The following CCDC171 variants were observed in gnomAD, a reference collection of about 807,000 sequenced individuals.
CCDC171 encodes the protein coiled-coil domain-containing protein 171.
CCDC171 carries 177 observed loss-of-function variants against 168.2 expected under a neutral mutation model. That is an observed-to-expected ratio of 1.05 (90% confidence interval 0.93 to 1.19). The LOEUF (loss-of-function observed/expected upper bound fraction) is 1.19, where lower values mean the gene tolerates loss of function less well. Among genes scored for constraint, CCDC171 ranks in the 50% most tolerant of loss-of-function variants. The pLI, the probability that CCDC171 is intolerant of heterozygous loss-of-function variation, is 0.00. For synonymous variants in CCDC171, 687 were observed against 540.8 expected (o/e 1.27, Z -3.75); for missense variants, 1,991 against 1,539.0 (o/e 1.29, Z -4.91).
At position 15,872,534 on chromosome 9, in the gene CCDC171, T is replaced by C. The variant is rs192382597; in HGVS notation, c.3469-1998T>C. 1.9e-3 allele frequency among the ~76,000 whole-genome samples: 296 copies of C among 152,188 alleles called. 2 individuals carry two copies. Among genetic ancestry groups the C allele is most frequent in the Admixed American group, 6.0e-3 (91 of 15,254 alleles). On this transcript the variant is annotated intron_variant, in intron 23 of 25. Coordinates refer to ENST00000380701, the MANE Select transcript of CCDC171 (RefSeq NM_173550.4). Reference sequence around the variant, plus strand: ...TTTGCCCGTATTAGCAATCTGCTTTTGTACTTTGACATCCAGGATTTCCCT... The same window carrying C: ...TTTGCCCGTATTAGCAATCTGCTTTCGTACTTTGACATCCAGGATTTCCCT...
At chr9:15,894,933 C>T (rs1820707428) in intron 24 of CCDC171, among the ~76,000 whole-genome samples, 1 of 152,084 alleles carries the variant, frequency 6.6e-6, no homozygotes, top group African/African-American at 2.4e-5. Flanking sequence ...TCTTCAGCAC[C>T]TAGAACATAA....
chr9:16,092,277 T>C, the CCDC171 span, among the ~76,000 whole-genome samples: 1 of 152,196 alleles, frequency 6.6e-6, no homozygotes, highest in Non-Finnish European at 1.5e-5. Context: ...CCAGGTGGCC[T>C]GACTCTCAAA....
chr9:15,997,372 CT>C (rs1832406935), intron 3 of CCDC171, among the ~76,000 whole-genome samples: 1 of 152,216 alleles, frequency 6.6e-6, no homozygotes, highest in South Asian at 2.1e-4. Context: ...AGCTCCTACA[CT>C]TTGTAGATCC....
At chr9:15,800,872 CT>C (rs1214201762) in intron 21 of CCDC171, among the ~76,000 whole-genome samples, 1 of 152,058 alleles carries the variant, frequency 6.6e-6, no homozygotes, top group African/African-American at 2.4e-5. Flanking sequence ...AAGAAACTAT[CT>C]TTTCCCAAGT....
At chr9:15,874,716 G>A (rs754669675) in intron 24 of CCDC171, 53 bp downstream of exon 24, 20 of 1,442,632 alleles carry the variant, frequency 1.4e-5, no homozygotes, top group Admixed American at 2.5e-5. Context: ...AAAATAAATT[G>A]CACTAACTGG....
intron 8 of CCDC171, among the ~76,000 whole-genome samples, chr9:15,662,931 A>C (rs978766765): frequency 3.9e-5 from 6 of 152,140 alleles, no homozygotes; most frequent in African/African-American, 1.4e-4. Context: ...CAGTGAGCTG[A>C]GATTGCACCA....
chr9:16,085,348 G>T, the CCDC171 span, among the ~76,000 whole-genome samples: 1 of 152,216 alleles, frequency 6.6e-6, no homozygotes, highest in South Asian at 2.1e-4. Context: ...AGGGTAGGGG[G>T]AACTCAAGCT....
At position 15,971,811 on chromosome 9, in the gene CCDC171, A is replaced by T. The variant is rs776196996; in HGVS notation, c.3956A>T (p.Asn1319Ile). The T allele has an allele frequency of 2.5e-6, 4 of 1,613,230 alleles. No homozygotes were observed. The highest frequency in any genetic ancestry group is 3.4e-6 in the Non-Finnish European group (4 of 1,179,302). The change falls in exon 26 of 26, where the codon AAC (asparagine) becomes ATC (isoleucine). Residue 1319 changes from asparagine (N) to isoleucine (I), a missense_variant. Asn to Ile is a moderately radical substitution (Grantham distance 149). Coordinates refer to ENST00000380701, the MANE Select transcript of CCDC171 (RefSeq NM_173550.4). ...CCAGTGACTATGTCTGCTAATGCCA[A>T]CAGACCAACTCAGATTGGATTATGA... ...SSPVTMSANANRPTQIGL is the reference protein window; with the variant it reads ...SSPVTMSANAIRPTQIGL
intron 7 of CCDC171, among the ~76,000 whole-genome samples, chr9:15,645,594 A>G (rs1272107456): frequency 6.6e-6 from 1 of 152,238 alleles, no homozygotes; most frequent in East Asian, 1.9e-4. Context: ...GAACTACGTG[A>G]TGCATGCACA....
intron 18 of CCDC171, chr9:15,776,432 A>G (rs773109516): frequency 1.3e-5 from 2 of 152,212 alleles, no homozygotes; most frequent in East Asian, 1.9e-4. Flanking sequence ...CCGTATATTT[A>G]TATTCCTAGA....
intron 1 of CCDC171, among the ~76,000 whole-genome samples, chr9:15,561,162 ATAAAG>A (rs539899028): frequency 6.6e-6 from 1 of 152,182 alleles, no homozygotes; most frequent in Non-Finnish European, 1.5e-5. Context: ...TTCCTCATGT[ATAAAG>A]TATGGATATT....
At chr9:15,611,352 A>G (rs2043676210) in intron 6 of CCDC171, among the ~76,000 whole-genome samples, 1 of 152,196 alleles carries the variant, frequency 6.6e-6, no homozygotes, top group African/African-American at 2.4e-5. Context: ...CCTTTCCGCA[A>G]ATGTCCGGTG....
At chr9:15,787,989 G>C (rs1156507838) in intron 21 of CCDC171, among the ~76,000 whole-genome samples, 1 of 152,142 alleles carries the variant, frequency 6.6e-6, no homozygotes, top group Non-Finnish European at 1.5e-5. Context: ...CTCTGTTATA[G>C]TTTGTGTTTA....
intron 21 of CCDC171, among the ~76,000 whole-genome samples, chr9:15,837,284 G>A (rs1252868107): frequency 6.6e-6 from 1 of 152,092 alleles, no homozygotes; most frequent in Non-Finnish European, 1.5e-5. Flanking sequence ...TGGCGATCTC[G>A]CTCATTTAGA....
chr9:15,828,587 A>G (rs1563823263), intron 21 of CCDC171, among the ~76,000 whole-genome samples: 1 of 152,214 alleles, frequency 6.6e-6, no homozygotes, highest in Non-Finnish European at 1.5e-5. Flanking sequence ...TTGTACTGGA[A>G]GAAACAGATA....
chr9:16,030,826 T>G (rs1194835480), intron 6 of CCDC171, among the ~76,000 whole-genome samples: 1 of 152,210 alleles, frequency 6.6e-6, no homozygotes, highest in African/African-American at 2.4e-5. Flanking sequence ...CTTCCCAAGG[T>G]GCCAACTCCT....
rs868550426 is a variant in CCDC171 at position 15,649,750 on chromosome 9, C to G, written c.823-7377C>G. ...CAATCATTAAAAAGTCAGGAAACAA[C>G]AGGTGCTAGAGAGGATGTGGAGAAA... On this transcript the variant is annotated intron_variant, in intron 7 of 25. Transcript: ENST00000380701. 1.3e-3 allele frequency among the ~76,000 whole-genome samples: 194 copies of G among 152,282 alleles called. 1 individual carries two copies. The highest frequency in any genetic ancestry group is 4.5e-3 in the African/African-American group (188 of 41,558).
chr9:15,695,388 A>T, intron 11 of CCDC171, 51 bp downstream of exon 11: 2 of 1,408,438 alleles, frequency 1.4e-6, no homozygotes, highest in Non-Finnish European at 2.0e-6. Context: ...TTCCAAAGTC[A>T]CTACATTTTG....
rs184292776 is a variant in CCDC171, at chr9:15,921,983, C to T, written c.3753+1561C>T. 239 of 164,980 alleles carry T rather than the reference C, an allele frequency of 1.4e-3. 1 individual carries two copies. The Middle Eastern group carries it at 0.033, about 23-fold the overall frequency. 10.2% of individuals were successfully genotyped at this position (164,980 alleles called of 1,614,324 possible). ...ACTTGGTAAGGTGAGATTGTTTCTC[C>T]GTGGGTTCCAAAAATTTTTACCAAT... is the stretch of plus-strand genomic sequence containing the variant. On this transcript the variant is annotated intron_variant, in intron 25 of 25. Coordinates refer to ENST00000380701, the MANE Select transcript of CCDC171 (RefSeq NM_173550.4).
Sources: allele counts gnomAD v4.1 joint callset (sites outside exome capture counted in the v4.1 genomes callset), GRCh38; gene constraint gnomAD v4.1.1; transcripts MANE v1.5; gene names NCBI Gene and HGNC (gene_info 2026-07-23, HGNC 2026-07-21).